The following NAA11 variants were observed in gnomAD, a reference collection of about 807,000 sequenced individuals.
NAA11 encodes the protein N-alpha-acetyltransferase 11.
Under a neutral mutation model 16.1 loss-of-function variants are expected in NAA11, and 15 were observed. The ratio of observed to expected loss-of-function variants is 0.93; its 90% CI spans 0.62 to 1.44. NAA11 has a LOEUF of 1.44. Ranked by LOEUF, NAA11 falls within the 40% of genes most tolerant of loss-of-function variation. The pLI, the probability that NAA11 is intolerant of heterozygous loss-of-function variation, is 0.00. For missense variants in NAA11, 298 were observed against 291.3 expected (o/e 1.02, Z -0.17); for synonymous variants, 122 against 112.4 (o/e 1.09, Z -0.54).
chr4:79,246,396 A>T (rs56101349), intron 2 of NAA11, among the ~76,000 whole-genome samples: 1 of 120,206 alleles, frequency 8.3e-6, no homozygotes, highest in African/African-American at 3.0e-5. Context: ...AAAAAAAAAA[A>T]AAAGAAAAAA....
chr4:79,206,226 C>A, the NAA11 span, among the ~76,000 whole-genome samples: 1 of 152,134 alleles, frequency 6.6e-6, no homozygotes, highest in South Asian at 2.1e-4. Context: ...AATACTGATT[C>A]TTCTAATCCA....
the NAA11 span, among the ~76,000 whole-genome samples, chr4:79,165,566 T>C: frequency 6.6e-6 from 1 of 152,226 alleles, no homozygotes; most frequent in Non-Finnish European, 1.5e-5. Context: ...CCATGAAATA[T>C]ATGTAGAATT....
the NAA11 span, among the ~76,000 whole-genome samples, chr4:79,201,039 A>T: frequency 6.6e-6 from 1 of 151,590 alleles, no homozygotes; most frequent in African/African-American, 2.4e-5. Context: ...AGCGTTTTAT[A>T]TTGTGTTTTT....
chr4:79,300,386 GC>G (rs1723351861), intron 1 of NAA11, among the ~76,000 whole-genome samples: 2 of 151,236 alleles, frequency 1.3e-5, no homozygotes, highest in South Asian at 2.1e-4. Flanking sequence ...CCACAATATG[GC>G]CCCCCTACCC....
At chr4:79,282,145 C>T (rs542107890) in intron 2 of NAA11, among the ~76,000 whole-genome samples, 53 of 152,068 alleles carry the variant, frequency 3.5e-4, no homozygotes, top group Non-Finnish European at 5.9e-4. Context: ...AAGAAAAGAA[C>T]GAATGGCATG....
At chr4:79,228,685 G>A (rs1270555272) in intron 2 of NAA11, among the ~76,000 whole-genome samples, 1 of 151,912 alleles carries the variant, frequency 6.6e-6, no homozygotes, top group Non-Finnish European at 1.5e-5. Flanking sequence ...ATTGTATGGA[G>A]GTATCACAGG....
Position 79,274,158 on chromosome 4 carries a change from G to T in NAA11, c.*122+19847C>A, listed in dbSNP as rs553544336. 2.6e-5 allele frequency among the ~76,000 whole-genome samples: 4 copies of T among 152,200 alleles called. No homozygotes were observed. In the South Asian group the frequency reaches 8.3e-4, roughly 32 times the overall value. ...TAGATGTAAACAGCTGTTATTCTTG[G>T]TAATGGAAAGCAATTAGAAACATCT... On this transcript the variant is annotated intron_variant and NMD_transcript_variant, in intron 2 of 2. Transcript: ENST00000511542.
the NAA11 span, among the ~76,000 whole-genome samples, chr4:79,164,137 T>C: frequency 1.3e-5 from 2 of 152,326 alleles, 1 homozygote; most frequent in East Asian, 3.9e-4. Context: ...TCCTGTGCTT[T>C]TAAGAAATTA....
At chr4:79,292,445 A>G (rs1378025178) in intron 2 of NAA11, among the ~76,000 whole-genome samples, 1 of 152,238 alleles carries the variant, frequency 6.6e-6, no homozygotes, top group Non-Finnish European at 1.5e-5. Context: ...GTTAAGCAGA[A>G]GCTAAAACAG....
the NAA11 span, among the ~76,000 whole-genome samples, chr4:79,218,343 G>GT: frequency 0.15 from 21,697 of 143,786 alleles, 1,682 homozygotes; most frequent in African/African-American, 0.2. Flanking sequence ...AAATAAGTTA[G>GT]TTTTTTTTTT....
At chr4:79,216,901 A>G in the NAA11 span, among the ~76,000 whole-genome samples, 1 of 152,156 alleles carries the variant, frequency 6.6e-6, no homozygotes, top group African/African-American at 2.4e-5. Context: ...TCACAAATTT[A>G]TGGAATTTTT....
chr4:79,308,098 G>GA (rs144549981), intron 1 of NAA11, among the ~76,000 whole-genome samples: 12 of 151,982 alleles, frequency 7.9e-5, no homozygotes, highest in Non-Finnish European at 1.6e-4. Flanking sequence ...AGAAGAAGGG[G>GA]AAAAAAATCC....
intron 2 of NAA11, among the ~76,000 whole-genome samples, chr4:79,246,421 GT>G (rs1362789234): frequency 1.4e-5 from 2 of 145,368 alleles, no homozygotes; most frequent in Non-Finnish European, 3.0e-5. Flanking sequence ...AATTTGAGCA[GT>G]TTTAAAACTT....
At chr4:79,259,500 C>T (rs1722201589) in intron 2 of NAA11, among the ~76,000 whole-genome samples, 1 of 152,206 alleles carries the variant, frequency 6.6e-6, no homozygotes, top group Admixed American at 6.5e-5. Flanking sequence ...CACTACCCCT[C>T]ACTGCTCCCT....
intron 1 of NAA11, among the ~76,000 whole-genome samples, chr4:79,302,858 T>C (rs943750541): frequency 6.6e-6 from 1 of 151,898 alleles, no homozygotes; most frequent in Non-Finnish European, 1.5e-5. Flanking sequence ...AAGATATCTA[T>C]AGGGAAGGAG....
At chr4:79,321,977 T>C (rs995972485) in intron 1 of NAA11, among the ~76,000 whole-genome samples, 1 of 152,194 alleles carries the variant, frequency 6.6e-6, no homozygotes, top group Non-Finnish European at 1.5e-5. Flanking sequence ...CCCTGAATGA[T>C]ACCATGGAGT....
intron 2 of NAA11, among the ~76,000 whole-genome samples, chr4:79,255,190 A>G (rs1722080172): frequency 6.6e-6 from 1 of 152,150 alleles, no homozygotes; most frequent in African/African-American, 2.4e-5. Context: ...AGGGAGTGAA[A>G]AGAGCATACA....
chr4:79,188,746 A>C, the NAA11 span, among the ~76,000 whole-genome samples: 3 of 152,156 alleles, frequency 2.0e-5, no homozygotes, highest in Non-Finnish European at 4.4e-5. Context: ...GTAGATTGAG[A>C]AATATTTAGT....
chr4:79,317,894 TAAAG>T (rs1480374926), intron 1 of NAA11, 103 bp from the exon 2 acceptor site: 2 of 152,274 alleles, frequency 1.3e-5, no homozygotes, highest in Non-Finnish European at 2.9e-5. Context: ...GAACAGCAGA[TAAAG>T]AAACCCAGTA....
Sources: allele counts gnomAD v4.1 joint callset (sites outside exome capture counted in the v4.1 genomes callset), GRCh38; gene constraint gnomAD v4.1.1; transcripts MANE v1.5; gene names NCBI Gene and HGNC (gene_info 2026-07-23, HGNC 2026-07-21).